The following PADI1 variants were observed in gnomAD, a reference collection of about 807,000 sequenced individuals.
The protein encoded by PADI1 is peptidyl arginine deiminase 1.
PADI1 carries 65 observed loss-of-function variants against 74.8 expected under a neutral mutation model. The ratio of observed to expected loss-of-function variants is 0.87; its 90% CI spans 0.71 to 1.07. The LOEUF (loss-of-function observed/expected upper bound fraction) is 1.07. PADI1 is among the 50% of genes least tolerant of loss of function. The probability of loss-of-function intolerance (pLI) is 0.00; values close to 1 mark genes in which losing one functional copy is unlikely to be tolerated. For synonymous variants in PADI1, 371 were observed against 336.2 expected (o/e 1.10, Z -1.13); for missense variants, 943 against 854.0 (o/e 1.10, Z -1.30).
intron 1 of PADI1, among the ~76,000 whole-genome samples, chr1:17,206,779 C>T (rs1012978933): frequency 4.0e-5 from 6 of 150,674 alleles, no homozygotes; most frequent in Admixed American, 1.3e-4. Flanking sequence ...CTCCACCTCC[C>T]GGGTTCAATT....
intron 11 of PADI1, among the ~76,000 whole-genome samples, chr1:17,235,291 G>GT (rs2072611898): frequency 1.7e-5 from 2 of 119,870 alleles, no homozygotes; most frequent in Non-Finnish European, 3.4e-5. Flanking sequence ...AGGAAGGAAG[G>GT]AGGGAAGGAA....
chr1:17,223,282 G>A (rs1002897793), intron 2 of PADI1, among the ~76,000 whole-genome samples: 2 of 152,176 alleles, frequency 1.3e-5, no homozygotes, highest in African/African-American at 4.8e-5. Context: ...TAGAGGAGCT[G>A]AGAGACTTGC....
Position 17,235,293 on chromosome 1 carries a change from G to GGAA in PADI1, c.1314-2020_1314-2019insAAG, listed in dbSNP as rs1557479110. Among the ~76,000 whole-genome samples the GGAA allele has an allele frequency of 1.9e-4, 12 of 62,862 alleles. 1 individual carries two copies. Among genetic ancestry groups the GGAA allele is most frequent in the South Asian group, 5.8e-4 (1 of 1,712 alleles). The allele number at this position is 62,862 out of a possible 152,430, so 41.2% of individuals were successfully genotyped here. ...AAGGAAGGAAGGAAGGAAGGAAGGA[G>GGAA]GGAAGGAAGGAAGGAGGCAAAGTAG... On this transcript the variant is annotated intron_variant, in intron 11 of 15. Coordinates refer to ENST00000375471, the MANE Select transcript of PADI1 (RefSeq NM_013358.3).
chr1:17,228,662 G>A lies in PADI1; in HGVS notation c.690G>A (p.Gly230=), dbSNP rs184629519. The A allele has an allele frequency of 6.2e-7, 1 of 1,614,214 alleles. No homozygotes were observed. Among genetic ancestry groups the A allele is most frequent in the East Asian group, 2.2e-5 (1 of 44,876 alleles). ...NSLSDYKQVL[G]PQCLSYEVER... Reference sequence around the variant, plus strand: ...TCTCGGACTACAAACAGGTGCTGGGGCCCCAGTGTCTGTCCTATGAAGTTG... The same window carrying A: ...TCTCGGACTACAAACAGGTGCTGGGACCCCAGTGTCTGTCCTATGAAGTTG... The change falls in exon 7 of 16, where the codon GGG becomes GGA. Residue 230 remains glycine, a synonymous_variant. Coordinates refer to ENST00000375471, the MANE Select transcript of PADI1 (RefSeq NM_013358.3).
chr1:17,240,652 C>A lies in PADI1; in HGVS notation c.1650C>A (p.Asn550Lys), dbSNP rs539530137. 3 of 1,614,076 alleles carry A rather than the reference C, an allele frequency of 1.9e-6. No homozygotes were observed. In the South Asian group the frequency reaches 3.3e-5, roughly 18 times the overall value. The change falls in exon 15 of 16, where the codon AAC becomes AAA. Residue 550 changes from asparagine to lysine, a missense_variant. Coordinates refer to ENST00000375471, the MANE Select transcript of PADI1 (RefSeq NM_013358.3). The stretch of plus-strand genomic sequence containing the variant: ...TTCCCCAGAAATGCATTGACTGGAA[C>A]CGTAATGTGCTGAAGCGGGAGCTGG... ...NLHAQKCIDW[N>K]RNVLKRELGL... is the part of the protein sequence containing the mutation.
intron 1 of PADI1, among the ~76,000 whole-genome samples, chr1:17,215,584 T>C (rs932417292): frequency 2.0e-5 from 3 of 152,066 alleles, no homozygotes; most frequent in African/African-American, 7.2e-5. Context: ...TAGAAACCCT[T>C]CTGCTGCCAG....
intron 1 of PADI1, among the ~76,000 whole-genome samples, chr1:17,206,200 G>A (rs2071677965): frequency 6.6e-6 from 1 of 152,220 alleles, no homozygotes; most frequent in African/African-American, 2.4e-5. Flanking sequence ...AAGAGGAGCT[G>A]GGTGCTGGGG....
chr1:17,207,322 G>T (rs1037420654), intron 1 of PADI1, among the ~76,000 whole-genome samples: 1 of 152,166 alleles, frequency 6.6e-6, no homozygotes. Context: ...CACTGTGGAG[G>T]TGAAGTACCC....
chr1:17,240,759 T>A lies in PADI1; in HGVS notation c.1757T>A (p.Met586Lys). Residue 586 changes from methionine to lysine, a missense_variant and splice_region_variant, in exon 15 of 16, where the codon ATG becomes AAG. Physicochemically the swap from Met to Lys is moderately conservative, Grantham distance 95. Coordinates refer to ENST00000375471, the MANE Select transcript of PADI1 (RefSeq NM_013358.3). ...NFYAEAFFPD[M>K]VNMVVLGKYL... ...TACGCGGAAGCCTTCTTCCCAGACA[T>A]GGTGAGAGCCCTTGTGCAGGGTCCT... is the stretch of plus-strand genomic sequence containing the variant. 6.2e-7 allele frequency: 1 copy of A among 1,613,578 alleles called. No homozygotes were observed. Among genetic ancestry groups the A allele is most frequent in the Non-Finnish European group, 8.5e-7 (1 of 1,179,654 alleles).
intron 1 of PADI1, among the ~76,000 whole-genome samples, chr1:17,218,382 C>A (rs1053036503): frequency 2.6e-5 from 4 of 152,094 alleles, no homozygotes; most frequent in Non-Finnish European, 5.9e-5. Flanking sequence ...GGTTGTTAAA[C>A]ATTTGCCAGC....
At chr1:17,215,378 TTCATCATCATCATCATCGTCA>T (rs1459776397) in intron 1 of PADI1, among the ~76,000 whole-genome samples, 16 of 148,444 alleles carry the variant, frequency 1.1e-4, no homozygotes, top group South Asian at 1.1e-3. Flanking sequence ...TCCCCCTTCT[TTCATCATCATCATCATCGTCA>T]TCATCATCAT....
chr1:17,239,894 G>A, intron 14 of PADI1, 111 bp downstream of exon 14: 1 of 802,658 alleles, frequency 1.2e-6, no homozygotes, highest in Non-Finnish European at 2.1e-6. Context: ...TCATGGTCCT[G>A]GGGGCTGCTG....
chr1:17,222,591 T>A, intron 2 of PADI1, 121 bp downstream of exon 2: 1 of 754,978 alleles, frequency 1.3e-6, no homozygotes, highest in South Asian at 1.7e-5. Flanking sequence ...ACAAAGCTTA[T>A]CACAGTACAT....
chr1:17,216,181 G>A (rs888116583), intron 1 of PADI1, among the ~76,000 whole-genome samples: 2 of 152,174 alleles, frequency 1.3e-5, no homozygotes, highest in Non-Finnish European at 2.9e-5. Flanking sequence ...CACAGGCTCT[G>A]GTGACAGCCT....
intron 1 of PADI1, among the ~76,000 whole-genome samples, chr1:17,221,698 C>G (rs11203334): frequency 0.43 from 64,846 of 151,858 alleles, 14,350 homozygotes; most frequent in African/African-American, 0.54. Flanking sequence ...GACAGCCTTG[C>G]CATCTTCATG....
chr1:17,237,462 C>T lies in PADI1; in HGVS notation c.1458+4C>T, dbSNP rs369233508. The T allele has an allele frequency of 1.2e-4, 191 of 1,603,786 alleles. No individual in the cohort carries two copies. Among genetic ancestry groups the T allele is most frequent in the African/African-American group, 8.0e-5 (6 of 74,650 alleles). On this transcript the variant is annotated splice_donor_region_variant and intron_variant, in intron 12 of 15. Transcript: ENST00000375471. ...TGTGCCTACCTCTGACCAAAAGGTG[C>T]GTCCCCTCCTTCCCTGCCTGAGCCA...
chr1:17,209,583 C>A (rs149280121), intron 1 of PADI1, among the ~76,000 whole-genome samples: 1 of 152,118 alleles, frequency 6.6e-6, no homozygotes, highest in Admixed American at 6.6e-5. Context: ...GGAATCTCTC[C>A]CCCTCCCTCT....
At chr1:17,233,022 C>G (rs1418923776) in intron 11 of PADI1, 52 bp downstream of exon 11, 4 of 1,471,446 alleles carry the variant, frequency 2.7e-6, no homozygotes, top group Admixed American at 2.1e-5. Flanking sequence ...ACTGCAGCAT[C>G]CACCCTCCCT....
Position 17,238,627 on chromosome 1 carries a change from G to A in PADI1, c.1470G>A (p.Leu490=). 4 of 1,518,546 alleles carry A rather than the reference G, an allele frequency of 2.6e-6. No homozygotes were observed. The highest frequency in any genetic ancestry group is 3.6e-6 in the Non-Finnish European group (4 of 1,124,274). 94.1% of individuals were successfully genotyped at this position (1,518,546 alleles called of 1,614,324 possible). Residue 490 remains leucine, a synonymous_variant, in exon 13 of 16, where the codon CTG becomes CTA. Transcript: ENST00000375471. ...TCCCTCCGTGCCAGGGCTTCCGGCTGCTCCTGGCTAGCCCCAGCGCTTGCC... is the reference window on the plus strand; with the variant it reads ...TCCCTCCGTGCCAGGGCTTCCGGCTACTCCTGGCTAGCCCCAGCGCTTGCC... ...VPTSDQKGFR[L]LLASPSACLK...
Sources: gnomAD v4.1 joint callset for allele counts (sites outside exome capture counted in the v4.1 genomes callset) on GRCh38, gnomAD v4.1.1 for gene constraint, MANE v1.5 for transcripts, NCBI Gene and HGNC (gene_info 2026-07-23, HGNC 2026-07-21) for gene names.